The following GPC5 variants were observed in gnomAD, a reference collection of about 807,000 sequenced individuals.
The protein encoded by GPC5 is glypican 5, also known as glypican-5.
A neutral mutation model predicts 53.9 loss-of-function variants in GPC5; 47 were observed. That is an observed-to-expected ratio of 0.87 (90% CI 0.69 to 1.11). The LOEUF (loss-of-function observed/expected upper bound fraction) is 1.11, where lower values mean the gene tolerates loss of function less well. Among genes scored for constraint, GPC5 ranks in the 50% most tolerant of loss-of-function variants. The pLI is 0.00. For missense variants in GPC5, 748 were observed against 713.1 expected (o/e 1.05, Z -0.56); for synonymous variants, 286 against 263.3 (o/e 1.09, Z -0.84).
At chr13:91,452,836 T>C (rs1366089690) in intron 2 of GPC5, among the ~76,000 whole-genome samples, 1 of 152,098 alleles carries the variant, frequency 6.6e-6, no homozygotes, top group African/African-American at 2.4e-5. Flanking sequence ...TAGAGGACAC[T>C]ATTGGAAGCT....
intron 2 of GPC5, among the ~76,000 whole-genome samples, chr13:91,566,105 T>C (rs1006116413): frequency 2.0e-5 from 3 of 152,156 alleles, no homozygotes; most frequent in Non-Finnish European, 2.9e-5. Flanking sequence ...AAAGACCTTT[T>C]TCCCACACAC....
At chr13:92,044,330 G>A (rs1457253861) in intron 6 of GPC5, among the ~76,000 whole-genome samples, 1 of 152,104 alleles carries the variant, frequency 6.6e-6, no homozygotes, top group Non-Finnish European at 1.5e-5. Context: ...ATGTAAATAA[G>A]GCCCTAAGCT....
chr13:91,548,419 C>G (rs1349653000), intron 2 of GPC5, among the ~76,000 whole-genome samples: 14 of 152,000 alleles, frequency 9.2e-5, no homozygotes, highest in Admixed American at 8.5e-4. Context: ...ATGTACAGCT[C>G]TATATAAGAA....
At chr13:91,734,409 T>C (rs1282164480) in intron 4 of GPC5, among the ~76,000 whole-genome samples, 1 of 151,288 alleles carries the variant, frequency 6.6e-6, no homozygotes, top group East Asian at 1.9e-4. Flanking sequence ...GGTGGGTCTG[T>C]GGACTGAATG....
rs547263142 is a variant in GPC5 at position 92,513,017 on chromosome 13, C to G, written c.1562-353265C>G. 6.6e-5 allele frequency among the ~76,000 whole-genome samples: 10 copies of G among 152,330 alleles called. No homozygotes were observed. The East Asian group carries it at 1.9e-3, about 29-fold the overall frequency. Reference sequence around the variant, plus strand: ...ATTGCTACATCCTGGCAACTGTCCTCCATGCAGATGTGATGCTCAGCCGAG... The same window carrying G: ...ATTGCTACATCCTGGCAACTGTCCTGCATGCAGATGTGATGCTCAGCCGAG... On this transcript the variant is annotated intron_variant, in intron 7 of 7. Transcript: ENST00000377067.
chr13:92,129,483 G>A (rs1172692744), intron 6 of GPC5, among the ~76,000 whole-genome samples: 1 of 152,162 alleles, frequency 6.6e-6, no homozygotes, highest in Non-Finnish European at 1.5e-5. Flanking sequence ...ATGTGAAGTG[G>A]CAACAATTTT....
chr13:92,526,834 TATA>T (rs1881300854), intron 7 of GPC5, among the ~76,000 whole-genome samples: 1 of 151,702 alleles, frequency 6.6e-6, no homozygotes, highest in Admixed American at 6.6e-5. Flanking sequence ...TGGTATTAAA[TATA>T]ATGGAAATCT....
chr13:92,559,569 C>T (rs1162586272), intron 7 of GPC5, among the ~76,000 whole-genome samples: 1 of 151,668 alleles, frequency 6.6e-6, no homozygotes, highest in African/African-American at 2.4e-5. Context: ...TACACTCCAA[C>T]AGGCAATATT....
intron 5 of GPC5, among the ~76,000 whole-genome samples, chr13:91,798,190 T>C (rs1461645545): frequency 6.6e-6 from 1 of 152,210 alleles, no homozygotes; most frequent in Non-Finnish European, 1.5e-5. Context: ...TCTTCAACTT[T>C]TAATTTAAGT....
At chr13:92,722,920 T>G (rs942911376) in intron 7 of GPC5, among the ~76,000 whole-genome samples, 4 of 151,842 alleles carry the variant, frequency 2.6e-5, no homozygotes, top group Non-Finnish European at 1.5e-5. Flanking sequence ...ATGATTCATA[T>G]TTCACCATTG....
chr13:92,115,275 G>A (rs1482773651), intron 6 of GPC5, among the ~76,000 whole-genome samples: 4 of 152,214 alleles, frequency 2.6e-5, no homozygotes, highest in African/African-American at 9.6e-5. Flanking sequence ...TCGGGAGGCC[G>A]AGGTGGGTAG....
At chr13:92,527,247 A>AAGAAAGAAAG (rs1881384571) in intron 7 of GPC5, among the ~76,000 whole-genome samples, 1 of 28,828 alleles carries the variant, frequency 3.5e-5, no homozygotes, top group African/African-American at 1.2e-4. Flanking sequence ...GAAAGAAAGA[A>AAGAAAGAAAG]AGAGAAAGAA....
At chr13:92,032,302 G>T (rs1328422585) in intron 6 of GPC5, among the ~76,000 whole-genome samples, 3 of 151,064 alleles carry the variant, frequency 2.0e-5, no homozygotes, top group Non-Finnish European at 4.4e-5. Context: ...GGTGACAGGG[G>T]TTAGGGATAA....
chr13:91,695,808 ATGTAAG>A (rs1393705153), intron 3 of GPC5, among the ~76,000 whole-genome samples: 1 of 152,224 alleles, frequency 6.6e-6, no homozygotes, highest in Non-Finnish European at 1.5e-5. Flanking sequence ...CTTCTGATAT[ATGTAAG>A]TGAATAGGTT....
intron 2 of GPC5, among the ~76,000 whole-genome samples, chr13:91,671,531 G>A (rs560821615): frequency 6.6e-6 from 1 of 151,900 alleles, no homozygotes; most frequent in South Asian, 2.1e-4. Context: ...GGGATGTGAA[G>A]GACCTCTTCA....
intron 7 of GPC5, among the ~76,000 whole-genome samples, chr13:92,291,830 C>T (rs2042998845): frequency 6.6e-6 from 1 of 152,288 alleles, no homozygotes; most frequent in Non-Finnish European, 1.5e-5. Context: ...ACTCCAGACG[C>T]ACTGCCTTAA....
intron 7 of GPC5, among the ~76,000 whole-genome samples, chr13:92,813,696 A>C (rs1386348210): frequency 6.6e-6 from 1 of 152,014 alleles, no homozygotes; most frequent in East Asian, 1.9e-4. Flanking sequence ...AAAAATGTAC[A>C]ATTCTTCTAC....
chr13:91,996,208 G>A (rs550727344), intron 6 of GPC5: 1 of 152,304 alleles, frequency 6.6e-6, no homozygotes, highest in East Asian at 1.9e-4. Flanking sequence ...ATGCTTGCTG[G>A]TCTATTTGGA....
At chr13:92,845,930 G>A (rs924381832) in intron 7 of GPC5, among the ~76,000 whole-genome samples, 16 of 151,822 alleles carry the variant, frequency 1.1e-4, no homozygotes, top group African/African-American at 3.9e-4. Context: ...TCTAAACTGG[G>A]GATATATATA....
Sources: gnomAD v4.1 joint callset for allele counts (sites outside exome capture counted in the v4.1 genomes callset) on GRCh38, gnomAD v4.1.1 for gene constraint, MANE v1.5 for transcripts, NCBI Gene and HGNC (gene_info 2026-07-23, HGNC 2026-07-21) for gene names.